Variants in DNAH8 observed in about 807,000 individuals in gnomAD.
The protein encoded by DNAH8 is axonemal beta dynein heavy chain 8.
DNAH8 carries 382 observed loss-of-function variants against 562.1 expected under a neutral mutation model. That is an observed-to-expected ratio of 0.68 (90% CI 0.63 to 0.74). The LOEUF (loss-of-function observed/expected upper bound fraction) is 0.74, where lower values mean the gene tolerates loss of function less well. DNAH8 is among the 30% of genes least tolerant of loss of function. The pLI, the probability that DNAH8 is intolerant of heterozygous loss-of-function variation, is 0.00. For synonymous variants in DNAH8, 1,881 were observed against 1,919.4 expected, an observed-to-expected ratio of 0.98 and a Z score of 0.52; for missense variants, 5,203 against 5,620.4, an observed-to-expected ratio of 0.93 and a Z score of 2.37.
At chr6:38,838,769 T>C (rs893615411) in intron 33 of DNAH8, among the ~76,000 whole-genome samples, 8 of 152,230 alleles carry the variant, frequency 5.3e-5, no homozygotes, top group Admixed American at 3.3e-4. Flanking sequence ...TTTATTGAGA[T>C]TGACGTCCAA....
chr6:38,984,110 T>C (rs1442577052), intron 86 of DNAH8, 96 bp from the exon 87 acceptor site: 1 of 674,864 alleles, frequency 1.5e-6, no homozygotes, highest in Admixed American at 2.7e-5. Flanking sequence ...AGTGAGTGCT[T>C]CCTTTTCCAG....
intron 23 of DNAH8, 98 bp from the exon 24 acceptor site, chr6:38,807,512 C>A: frequency 2.1e-6 from 1 of 480,106 alleles, no homozygotes; most frequent in Non-Finnish European, 3.7e-6. Context: ...TTATTTGTTG[C>A]CTTTCACATG....
At chr6:39,021,583 T>C (rs1422062151) in intron 91 of DNAH8, among the ~76,000 whole-genome samples, 3 of 152,228 alleles carry the variant, frequency 2.0e-5, no homozygotes, top group African/African-American at 7.2e-5. Flanking sequence ...ACCAACCCTA[T>C]CTTTGTTTAA....
At chr6:38,829,387 G>A (rs939703892) in intron 30 of DNAH8, among the ~76,000 whole-genome samples, 1 of 152,062 alleles carries the variant, frequency 6.6e-6, no homozygotes, top group African/African-American at 2.4e-5. Context: ...TTTTTGGTAT[G>A]TTATCTGGGA....
At chr6:38,988,267 T>C (rs1368882680) in intron 87 of DNAH8, among the ~76,000 whole-genome samples, 1 of 152,250 alleles carries the variant, frequency 6.6e-6, no homozygotes, top group Non-Finnish European at 1.5e-5. Context: ...AGATTTCATA[T>C]TTCATATTTT....
At chr6:38,752,455 G>A (rs116451273) in intron 9 of DNAH8, among the ~76,000 whole-genome samples, 11,896 of 152,244 alleles carry the variant, frequency 0.078, 605 homozygotes, top group Admixed American at 0.17. Context: ...TGAGCCATCG[G>A]GCCCAACACT....
intron 12 of DNAH8, among the ~76,000 whole-genome samples, chr6:38,771,702 T>TTA (rs1161905576): frequency 6.6e-5 from 10 of 152,220 alleles, no homozygotes; most frequent in African/African-American, 2.4e-4. Context: ...CTCATCTATA[T>TTA]TATACCATTT....
At chr6:38,986,071 A>G (rs1038342611) in intron 87 of DNAH8, among the ~76,000 whole-genome samples, 46 of 152,362 alleles carry the variant, frequency 3.0e-4, no homozygotes, top group African/African-American at 1.1e-3. Flanking sequence ...AGTCATAGTC[A>G]TATCAAGTGT....
intron 10 of DNAH8, among the ~76,000 whole-genome samples, chr6:38,758,861 G>A (rs900722947): frequency 3.3e-5 from 5 of 152,144 alleles, no homozygotes; most frequent in Admixed American, 6.5e-5. Context: ...AACCAGCCTT[G>A]CATCCCAGGG....
At chr6:38,884,385 C>T (rs1278715195) in intron 56 of DNAH8, among the ~76,000 whole-genome samples, 7 of 152,150 alleles carry the variant, frequency 4.6e-5, no homozygotes, top group South Asian at 2.1e-4. Flanking sequence ...CTCCACCTCC[C>T]GGGCTCAAGC....
intron 80 of DNAH8, among the ~76,000 whole-genome samples, chr6:38,948,394 A>G (rs996864954): frequency 3.3e-5 from 5 of 151,980 alleles, no homozygotes; most frequent in African/African-American, 1.2e-4. Context: ...GCTGGAGTGC[A>G]ATGGCACAAT....
chr6:38,996,156 T>C (rs191329382), intron 88 of DNAH8, among the ~76,000 whole-genome samples: 2 of 152,062 alleles, frequency 1.3e-5, no homozygotes, highest in Admixed American at 6.6e-5. Context: ...AGCATGACTT[T>C]AATAGCATCA....
At chr6:38,839,374 T>G (rs1774579420) in intron 33 of DNAH8, among the ~76,000 whole-genome samples, 1 of 151,876 alleles carries the variant, frequency 6.6e-6, no homozygotes, top group Non-Finnish European at 1.5e-5. Context: ...TTGTTTGTTT[T>G]GTTTTTTTTT....
chr6:38,768,473 C>A (rs1297248743), intron 11 of DNAH8, among the ~76,000 whole-genome samples: 1 of 151,798 alleles, frequency 6.6e-6, no homozygotes, highest in East Asian at 1.9e-4. Flanking sequence ...TGCTATGTTG[C>A]CCAGGTGGTC....
chr6:39,027,428 C>T (rs1246062366), intron 92 of DNAH8, among the ~76,000 whole-genome samples: 2 of 152,126 alleles, frequency 1.3e-5, no homozygotes, highest in African/African-American at 2.4e-5. Context: ...GGGAAGAGCC[C>T]CCACTTCCTG....
chr6:38,970,307 C>G (rs1430379603), intron 82 of DNAH8, among the ~76,000 whole-genome samples: 2 of 152,198 alleles, frequency 1.3e-5, no homozygotes, highest in African/African-American at 4.8e-5. Context: ...TCCTCCCATT[C>G]AAGTCACGCC....
At chr6:39,011,791 A>G (rs1272677481) in intron 89 of DNAH8, among the ~76,000 whole-genome samples, 1 of 152,232 alleles carries the variant, frequency 6.6e-6, no homozygotes, top group East Asian at 1.9e-4. Context: ...CTCTGTAAAG[A>G]TTTTTGCTGT....
At chr6:39,001,908 G>T (rs1049922723) in intron 88 of DNAH8, among the ~76,000 whole-genome samples, 8 of 152,042 alleles carry the variant, frequency 5.3e-5, no homozygotes, top group African/African-American at 1.7e-4. Flanking sequence ...GGTGGGTCAC[G>T]GGGAGGGGAT....
intron 11 of DNAH8, among the ~76,000 whole-genome samples, chr6:38,762,355 T>A (rs1766601901): frequency 6.6e-6 from 1 of 152,244 alleles, no homozygotes; most frequent in Non-Finnish European, 1.5e-5. Context: ...CCTCAGTCTG[T>A]TAATGTGATA....
Sources: allele counts gnomAD v4.1 joint callset (sites outside exome capture counted in the v4.1 genomes callset), GRCh38; gene constraint gnomAD v4.1.1; transcripts MANE v1.5; gene names NCBI Gene and HGNC (gene_info 2026-07-23, HGNC 2026-07-21).